Variants in MOXD1 observed in about 807,000 individuals in gnomAD.
MOXD1 encodes DBH-like monooxygenase protein 1.
In MOXD1, 62 loss-of-function variants were observed where a neutral mutation model predicts 66.6. The ratio of observed to expected loss-of-function variants is 0.93; its 90% CI spans 0.76 to 1.15. The LOEUF is 1.15. Among genes scored for constraint, MOXD1 ranks in the 50% most tolerant of loss-of-function variants. The pLI, the probability that MOXD1 is intolerant of heterozygous loss-of-function variation, is 0.00. For synonymous variants in MOXD1, 303 were observed against 281.9 expected, an observed-to-expected ratio of 1.07 and a Z score of -0.75; for missense variants, 847 against 754.6, an observed-to-expected ratio of 1.12 and a Z score of -1.44.
chr6:132,303,865 AT>A lies in MOXD1; in HGVS notation c.1509-5911del, dbSNP rs1324689119. ...TATATATATATATATATATATATAT[AT>A]ATATATATATATACATATATACATA... On this transcript the variant is annotated intron_variant, in intron 10 of 11. Coordinates refer to ENST00000367963, the MANE Select transcript of MOXD1 (RefSeq NM_015529.4). Among the ~76,000 whole-genome samples the A allele has an allele frequency of 2.4e-3, 141 of 58,302 alleles. 3 individuals are homozygous for A. Among genetic ancestry groups the A allele is most frequent in the South Asian group, 0.02 (36 of 1,810 alleles). 38.2% of individuals were successfully genotyped at this position (58,302 alleles called of 152,430 possible).
chr6:132,387,836 C>A (rs923533638), intron 1 of MOXD1, among the ~76,000 whole-genome samples: 2 of 149,826 alleles, frequency 1.3e-5, no homozygotes, highest in Non-Finnish European at 3.0e-5. Flanking sequence ...ATTAGTGCAT[C>A]CTCTACAAGG....
At chr6:132,363,225 A>C (rs533295643) in intron 4 of MOXD1, among the ~76,000 whole-genome samples, 3 of 91,600 alleles carry the variant, frequency 3.3e-5, no homozygotes, top group East Asian at 6.5e-4. Flanking sequence ...TAAAAAACAA[A>C]AAAAAAAAAC....
intron 10 of MOXD1, among the ~76,000 whole-genome samples, chr6:132,312,070 A>G (rs756007239): frequency 6.6e-6 from 1 of 151,956 alleles, no homozygotes; most frequent in South Asian, 2.1e-4. Context: ...GGGAATACAC[A>G]ATTTATCTAA....
intron 4 of MOXD1, among the ~76,000 whole-genome samples, chr6:132,372,268 G>T (rs751675770): frequency 8.6e-5 from 13 of 151,888 alleles, no homozygotes; most frequent in Non-Finnish European, 1.8e-4. Context: ...AACCTTCATG[G>T]GTATAATTTA....
chr6:132,380,872 G>A (rs1776494243), intron 1 of MOXD1, among the ~76,000 whole-genome samples: 1 of 152,114 alleles, frequency 6.6e-6, no homozygotes, highest in Non-Finnish European at 1.5e-5. Flanking sequence ...GACACATCTG[G>A]CACTGAAATC....
intron 9 of MOXD1, among the ~76,000 whole-genome samples, chr6:132,316,277 A>G (rs1774953618): frequency 6.6e-6 from 1 of 152,190 alleles, no homozygotes. Context: ...AGTTACTACA[A>G]CATATTATCT....
At chr6:132,326,555 A>G (rs1489773469) in intron 6 of MOXD1, among the ~76,000 whole-genome samples, 1 of 152,124 alleles carries the variant, frequency 6.6e-6, no homozygotes, top group African/African-American at 2.4e-5. Context: ...GTTGCAATAT[A>G]AGACATATTC....
At chr6:132,346,661 G>A (rs1311149432) in intron 4 of MOXD1, among the ~76,000 whole-genome samples, 1 of 152,034 alleles carries the variant, frequency 6.6e-6, no homozygotes, top group East Asian at 1.9e-4. Flanking sequence ...GGTCTCTAAG[G>A]TACAAAATAA....
In MOXD1 at chr6:132,305,898, A is replaced by G. The variant is rs1193757657; in HGVS notation, c.1509-7943T>C. Among the ~76,000 whole-genome samples, 4 of 152,196 alleles carry G rather than the reference A, an allele frequency of 2.6e-5. No individual in the cohort carries two copies. The South Asian group carries it at 8.3e-4, about 32-fold the overall frequency. The stretch of plus-strand genomic sequence containing the variant: ...ATACCAAAACTGGACAAACTCATGA[A>G]GATGAGAAAGAATCAATAAAAATAT... On this transcript the variant is annotated intron_variant, in intron 10 of 11. Transcript: ENST00000367963.
At chr6:132,335,320 G>C (rs1775415459) in intron 4 of MOXD1, among the ~76,000 whole-genome samples, 1 of 151,780 alleles carries the variant, frequency 6.6e-6, no homozygotes, top group South Asian at 2.1e-4. Flanking sequence ...GGGTTGAACA[G>C]CGTCTCCTGA....
intron 1 of MOXD1, among the ~76,000 whole-genome samples, chr6:132,378,322 C>G (rs1338982409): frequency 6.6e-6 from 1 of 151,966 alleles, no homozygotes; most frequent in South Asian, 2.1e-4. Context: ...AGACACCTCC[C>G]AAAACAAATA....
At position 132,332,809 on chromosome 6, in the gene MOXD1, C is replaced by T. The variant is rs189253204; in HGVS notation, c.664-4215G>A. 1.6e-4 allele frequency among the ~76,000 whole-genome samples: 25 copies of T among 152,316 alleles called. No individual in the cohort carries two copies. In the East Asian group the frequency reaches 4.4e-3, roughly 27 times the overall value. The stretch of plus-strand genomic sequence containing the variant: ...TTCTACAAACATTTTAAGCAGTCAA[C>T]AAACTTGTGTTTTAAACTATGTTAT... On this transcript the variant is annotated intron_variant, in intron 4 of 11. Coordinates refer to ENST00000367963, the MANE Select transcript of MOXD1 (RefSeq NM_015529.4).
intron 4 of MOXD1, among the ~76,000 whole-genome samples, chr6:132,329,360 CCAGTCTATCA>C (rs1245947613): frequency 6.6e-6 from 1 of 152,160 alleles, no homozygotes; most frequent in East Asian, 1.9e-4. Flanking sequence ...TTTTCTTAAT[CCAGTCTATCA>C]CTGATGGACA....
chr6:132,319,907 C>G (rs1290686269), intron 9 of MOXD1, among the ~76,000 whole-genome samples: 1 of 151,934 alleles, frequency 6.6e-6, no homozygotes, highest in Admixed American at 6.6e-5. Context: ...GATTATATAT[C>G]TTTTTCTTTC....
intron 4 of MOXD1, among the ~76,000 whole-genome samples, chr6:132,329,895 G>A (rs1448485267): frequency 6.6e-6 from 1 of 152,122 alleles, no homozygotes; most frequent in African/African-American, 2.4e-5. Flanking sequence ...TTGTGACACT[G>A]CTCAAATTAA....
chr6:132,348,292 T>G (rs1056029089), intron 4 of MOXD1, among the ~76,000 whole-genome samples: 10 of 152,228 alleles, frequency 6.6e-5, no homozygotes, highest in African/African-American at 2.2e-4. Context: ...ACATCATTCA[T>G]ATAACAACCA....
At chr6:132,390,465 C>T (rs961044108) in intron 1 of MOXD1, 5 of 151,514 alleles carry the variant, frequency 3.3e-5, no homozygotes, top group African/African-American at 1.2e-4. Flanking sequence ...GCACTTAGCA[C>T]TTAGTACTTT....
At chr6:132,322,985 G>A in intron 7 of MOXD1, 115 bp from the exon 8 acceptor site, 1 of 888,718 alleles carries the variant, frequency 1.1e-6, no homozygotes, top group Non-Finnish European at 1.6e-6. Context: ...CAATTTAAAT[G>A]AATGCTTGAA....
chr6:132,340,415 T>C (rs1775527096), intron 4 of MOXD1, among the ~76,000 whole-genome samples: 2 of 150,568 alleles, frequency 1.3e-5, no homozygotes, highest in Non-Finnish European at 2.9e-5. Context: ...CTCTGAGAAA[T>C]GAGCACTGGC....
Sources: gnomAD v4.1 joint callset for allele counts (sites outside exome capture counted in the v4.1 genomes callset) on GRCh38, gnomAD v4.1.1 for gene constraint, MANE v1.5 for transcripts, NCBI Gene and HGNC (gene_info 2026-07-23, HGNC 2026-07-21) for gene names.